The following FHIT variants were observed in gnomAD, a reference collection of about 807,000 sequenced individuals.
FHIT encodes the protein fragile histidine triad diadenosine triphosphatase.
Under a neutral mutation model 17.9 loss-of-function variants are expected in FHIT, and 19 were observed. The observed-to-expected ratio is 1.06, with a 90% confidence interval of 0.74 to 1.56. The LOEUF (loss-of-function observed/expected upper bound fraction) is 1.56, where lower values mean the gene tolerates loss of function less well. Ranked by LOEUF, FHIT falls within the 40% of genes most tolerant of loss-of-function variation. The pLI is 0.00. For missense variants in FHIT, 248 were observed against 189.2 expected, an observed-to-expected ratio of 1.31 and a Z score of -1.82; for synonymous variants, 81 against 69.7, an observed-to-expected ratio of 1.16 and a Z score of -0.81.
intron 5 of FHIT, among the ~76,000 whole-genome samples, chr3:60,123,970 ATATATAT>A (rs1559653304): frequency 6.5e-4 from 12 of 18,408 alleles, no homozygotes; most frequent in African/African-American, 2.2e-3. Context: ...CACTAAAAAT[ATATATAT>A]ATATATATAT....
chr3:61,136,645 C>T (rs9830950), intron 2 of FHIT, among the ~76,000 whole-genome samples: 84,507 of 152,006 alleles, frequency 0.56, 25,554 homozygotes, highest in East Asian at 0.85. Flanking sequence ...AAAATACGTA[C>T]GGCTAAGTGC....
intron 7 of FHIT, among the ~76,000 whole-genome samples, chr3:60,010,138 C>G (rs750240937): frequency 2.6e-4 from 40 of 152,154 alleles, no homozygotes; most frequent in Non-Finnish European, 2.6e-4. Context: ...TTTAAAAAAT[C>G]TTGGAACCAA....
At chr3:60,485,440 T>C (rs1356214144) in intron 5 of FHIT, among the ~76,000 whole-genome samples, 1 of 152,138 alleles carries the variant, frequency 6.6e-6, no homozygotes, top group African/African-American at 2.4e-5. Flanking sequence ...AAAGAAAACG[T>C]GGTGCATATA....
chr3:60,703,085 G>GC (rs781876464), intron 4 of FHIT, among the ~76,000 whole-genome samples: 1 of 152,128 alleles, frequency 6.6e-6, no homozygotes, highest in East Asian at 1.9e-4. Context: ...GATTAGAGCG[G>GC]CCCCTACCCA....
chr3:60,897,382 T>C (rs1297435488), intron 3 of FHIT, among the ~76,000 whole-genome samples: 1 of 152,200 alleles, frequency 6.6e-6, no homozygotes, highest in Non-Finnish European at 1.5e-5. Context: ...TTAGCAATAT[T>C]AGCATTTTAT....
At chr3:60,444,077 A>C (rs375840048) in intron 5 of FHIT, among the ~76,000 whole-genome samples, 1 of 152,182 alleles carries the variant, frequency 6.6e-6, no homozygotes, top group Non-Finnish European at 1.5e-5. Context: ...ATGCAGCCAA[A>C]AGACACATGA....
At chr3:59,951,967 G>C (rs1243154090) in intron 7 of FHIT, among the ~76,000 whole-genome samples, 5 of 152,114 alleles carry the variant, frequency 3.3e-5, no homozygotes, top group Admixed American at 6.6e-5. Flanking sequence ...TTTTTGTCAT[G>C]TTGACATCAT....
intron 3 of FHIT, among the ~76,000 whole-genome samples, chr3:60,956,620 T>C (rs1467836206): frequency 6.6e-6 from 1 of 152,200 alleles, no homozygotes; most frequent in Non-Finnish European, 1.5e-5. Flanking sequence ...AAAATCTGTC[T>C]ACACCGGGTT....
chr3:59,925,052 CTCTTTTT>C (rs1334985133), intron 7 of FHIT, among the ~76,000 whole-genome samples: 1 of 151,252 alleles, frequency 6.6e-6, no homozygotes, highest in East Asian at 1.9e-4. Flanking sequence ...TCTATCTTTT[CTCTTTTT>C]TCTTTTCCTT....
In FHIT at chr3:61,042,103, G is replaced by A. The variant is rs1277586459; in HGVS notation, c.-163-4C>T. 6.6e-6 allele frequency: 1 copy of A among 152,162 alleles called. No individual in the cohort carries two copies. Among genetic ancestry groups the A allele is most frequent in the Non-Finnish European group, 1.5e-5 (1 of 68,044 alleles). The allele number at this position is 152,162 out of a possible 1,614,324, so 9.4% of individuals were successfully genotyped here. On this transcript the variant is annotated splice_polypyrimidine_tract_variant and splice_region_variant and intron_variant, in intron 2 of 9. Transcript: ENST00000492590. ...GGATGTAGATAGCACTACGGACCTAGGGAAAGGCAGAAACACAAGATGGGA... is the reference window on the plus strand; with the variant it reads ...GGATGTAGATAGCACTACGGACCTAAGGAAAGGCAGAAACACAAGATGGGA...
rs1181669207 is a variant in FHIT, at chr3:61,040,603, T to C, written c.-111+1444A>G. ...GAGGCAACACAGAGTTTTCTAATCG[T>C]TAATCTTTAACTTGATGAAGGGATC... On this transcript the variant is annotated intron_variant, in intron 3 of 9. Transcript: ENST00000492590. Among the ~76,000 whole-genome samples the C allele has an allele frequency of 3.3e-5, 5 of 152,182 alleles. No homozygotes were observed. In the East Asian group the frequency reaches 5.8e-4, roughly 18 times the overall value.
intron 8 of FHIT, among the ~76,000 whole-genome samples, chr3:59,904,528 T>C (rs976847923): frequency 1.3e-5 from 2 of 152,156 alleles, no homozygotes; most frequent in Non-Finnish European, 2.9e-5. Flanking sequence ...GATTTTGATG[T>C]AGGATTTTTC....
intron 8 of FHIT, among the ~76,000 whole-genome samples, chr3:59,818,565 T>C (rs1347085575): frequency 1.3e-5 from 2 of 152,342 alleles, no homozygotes; most frequent in Middle Eastern, 3.4e-3. Context: ...AATAAGTTTT[T>C]TGGGGGACTT....
At position 60,165,092 on chromosome 3, in the gene FHIT, A is replaced by G. The variant is rs118013805; in HGVS notation, c.104-150940T>C. 1.7e-3 allele frequency among the ~76,000 whole-genome samples: 254 copies of G among 152,306 alleles called. 1 individual carries two copies. In the East Asian group the frequency reaches 0.032, roughly 19 times the overall value. ...GCAAATAACCTGAATGAGTCCAGTG[A>G]GTCAGATGGGAGCCAAAAGGAAGTG... On this transcript the variant is annotated intron_variant, in intron 5 of 9. Coordinates refer to ENST00000492590, the MANE Select transcript of FHIT (RefSeq NM_002012.4).
chr3:60,633,099 A>G (rs782098856), intron 4 of FHIT, among the ~76,000 whole-genome samples: 7 of 152,232 alleles, frequency 4.6e-5, no homozygotes, highest in Non-Finnish European at 8.8e-5. Context: ...GTAGATTGCC[A>G]CAAGCCTAAA....
intron 2 of FHIT, among the ~76,000 whole-genome samples, chr3:61,195,985 G>GA (rs1218999139): frequency 6.6e-6 from 1 of 151,850 alleles, no homozygotes; most frequent in Non-Finnish European, 1.5e-5. Context: ...CTTAGCAACA[G>GA]AAAAAAATTA....
In FHIT at chr3:60,699,700, T is replaced by TTA. The variant is rs1553701546; in HGVS notation, c.-18+122218_-18+122219insTA. Among the ~76,000 whole-genome samples the TTA allele has an allele frequency of 5.3e-4, 75 of 141,242 alleles. No homozygotes were observed. The South Asian group carries it at 0.014, about 26-fold the overall frequency. 92.7% of individuals were successfully genotyped at this position (141,242 alleles called of 152,430 possible). A position where few individuals can be genotyped will look rare whatever the true frequency, so the allele number is the denominator to read the frequency against. ...AACTTAGAGTATAATAAAAAAAAAT[T>TTA]AAAAAAAAAAGCATTATCTTAAAGT... On this transcript the variant is annotated intron_variant, in intron 4 of 9. Transcript: ENST00000492590.
chr3:61,191,233 G>A (rs1204317396), intron 2 of FHIT, among the ~76,000 whole-genome samples: 1 of 152,146 alleles, frequency 6.6e-6, no homozygotes, highest in Non-Finnish European at 1.5e-5. Context: ...GTTTCTGGGT[G>A]AGATTAGCAT....
chr3:60,405,801 T>C (rs554328541), intron 5 of FHIT, among the ~76,000 whole-genome samples: 56 of 152,330 alleles, frequency 3.7e-4, no homozygotes, highest in African/African-American at 1.3e-3. Flanking sequence ...TTCTGCAATG[T>C]ACACAGCAGC....
Sources: allele counts gnomAD v4.1 joint callset (sites outside exome capture counted in the v4.1 genomes callset), GRCh38; gene constraint gnomAD v4.1.1; transcripts MANE v1.5; gene names NCBI Gene and HGNC (gene_info 2026-07-23, HGNC 2026-07-21).